The following ATP11B variants were observed in gnomAD, a reference collection of about 807,000 sequenced individuals.
ATP11B encodes the protein ATPase phospholipid transporting 11B (putative).
Under a neutral mutation model 157.8 loss-of-function variants are expected in ATP11B, and 81 were observed. That is an observed-to-expected ratio of 0.51 (90% CI 0.43 to 0.62). ATP11B has a LOEUF of 0.62. Among genes scored for constraint, ATP11B ranks in the 20% least tolerant of loss-of-function variants. The pLI is 0.00. For synonymous variants in ATP11B, 451 were observed against 469.4 expected (o/e 0.96, Z 0.51); for missense variants, 1,165 against 1,402.2 (o/e 0.83, Z 2.70).
intron 2 of ATP11B, among the ~76,000 whole-genome samples, chr3:182,820,632 G>A (rs1717276215): frequency 6.6e-6 from 1 of 152,038 alleles, no homozygotes; most frequent in African/African-American, 2.4e-5. Context: ...TTGTGCCACT[G>A]CACTCCAACC....
At chr3:182,822,239 G>A in intron 2 of ATP11B, among the ~76,000 whole-genome samples, 1 of 151,828 alleles carries the variant, frequency 6.6e-6, no homozygotes. Context: ...ATTTACATTA[G>A]GTATATCTCC....
At chr3:182,812,644 A>T (rs1716741949) in intron 1 of ATP11B, among the ~76,000 whole-genome samples, 3 of 152,230 alleles carry the variant, frequency 2.0e-5, no homozygotes, top group African/African-American at 7.2e-5. Context: ...TTATGGCCAA[A>T]TAGGACTTGC....
intron 2 of ATP11B, among the ~76,000 whole-genome samples, chr3:182,827,532 T>G (rs1717805896): frequency 6.6e-6 from 1 of 152,008 alleles, no homozygotes; most frequent in Non-Finnish European, 1.5e-5. Context: ...CATTGTGCTA[T>G]ACTATCTTAC....
chr3:182,824,110 C>T (rs1258324347), intron 2 of ATP11B, among the ~76,000 whole-genome samples: 2 of 151,920 alleles, frequency 1.3e-5, no homozygotes, highest in East Asian at 3.9e-4. Flanking sequence ...CTTCTTTTTT[C>T]GTAACATAAT....
chr3:182,846,315 A>C (rs1719525429), intron 9 of ATP11B, among the ~76,000 whole-genome samples: 1 of 152,006 alleles, frequency 6.6e-6, no homozygotes, highest in South Asian at 2.1e-4. Flanking sequence ...AAAAAAACAC[A>C]AAATAGCAAG....
At chr3:182,892,699 C>G (rs1044789327) in intron 25 of ATP11B, among the ~76,000 whole-genome samples, 2 of 152,098 alleles carry the variant, frequency 1.3e-5, no homozygotes, top group African/African-American at 2.4e-5. Flanking sequence ...GTATTTATCT[C>G]AAATCTTTTT....
intron 2 of ATP11B, among the ~76,000 whole-genome samples, chr3:182,825,190 T>G (rs2108502120): frequency 6.6e-6 from 1 of 152,350 alleles, no homozygotes; most frequent in African/African-American, 2.4e-5. Context: ...TTATTTGCCC[T>G]GGATTTTCAG....
chr3:182,803,313 G>A (rs180725587), intron 1 of ATP11B, among the ~76,000 whole-genome samples: 1 of 152,318 alleles, frequency 6.6e-6, no homozygotes, highest in African/African-American at 2.4e-5. Flanking sequence ...TTGCTGGTGA[G>A]ATGCAGGTAT....
rs1210363939 is a variant in ATP11B at position 182,919,684 on chromosome 3, T to C, written c.*1580T>C. On this transcript the variant is annotated 3_prime_UTR_variant, in exon 30 of 30. Transcript: ENST00000323116. ...TTTCATGAATATAAGGCTTCTAGAA[T>C]TGGACTGGCAGGGGAAAGAATGGTA... The C allele has an allele frequency of 1.3e-5, 2 of 152,178 alleles. No individual in the cohort carries two copies. Among genetic ancestry groups the C allele is most frequent in the Admixed American group, 6.5e-5 (1 of 15,276 alleles). 9.4% of individuals were successfully genotyped at this position (152,178 alleles called of 1,614,324 possible).
chr3:182,837,562 T>G (rs1718651466), intron 7 of ATP11B, among the ~76,000 whole-genome samples: 1 of 152,082 alleles, frequency 6.6e-6, no homozygotes, highest in African/African-American at 2.4e-5. Context: ...TAGAGGATAC[T>G]GCTTTTAAAT....
intron 1 of ATP11B, among the ~76,000 whole-genome samples, chr3:182,800,744 G>T (rs373836749): frequency 6.7e-6 from 1 of 149,438 alleles, no homozygotes; most frequent in Non-Finnish European, 1.5e-5. Flanking sequence ...TTTAATTTTC[G>T]TATTTTCTTA....
Position 182,898,694 on chromosome 3 carries a change from T to A in ATP11B, c.3240T>A (p.Val1080=). 6.2e-7 allele frequency: 1 copy of A among 1,605,802 alleles called. No individual in the cohort carries two copies. The change falls in exon 28 of 30, where the codon GTT becomes GTA. Residue 1080 remains valine, a synonymous_variant. Transcript: ENST00000323116. ...CTTGGTTTGCCATAATCCTCATGGT[T>A]GTTACATGTCTATTTCTTGATATCA... ...GSAWFAIILM[V]VTCLFLDIIK... is the part of the protein sequence containing the mutation.
intron 15 of ATP11B, among the ~76,000 whole-genome samples, chr3:182,868,661 C>T (rs891903998): frequency 1.3e-5 from 2 of 152,064 alleles, no homozygotes. Context: ...CAGAAAAAAG[C>T]GTTGAGAATC....
At chr3:182,880,064 A>G (rs1000475336) in intron 20 of ATP11B, among the ~76,000 whole-genome samples, 7 of 152,216 alleles carry the variant, frequency 4.6e-5, no homozygotes, top group African/African-American at 1.7e-4. Flanking sequence ...TGATAAATAG[A>G]GCTTTAGTAT....
chr3:182,902,441 T>C (rs1440111736), intron 28 of ATP11B: 1 of 1,207,196 alleles, frequency 8.3e-7, no homozygotes, highest in Non-Finnish European at 1.1e-6. Flanking sequence ...TACAGCTCAC[T>C]GACTTGTTGT....
chr3:182,885,775 T>A (rs1364725033), intron 22 of ATP11B, among the ~76,000 whole-genome samples, 176 bp from the exon 23 acceptor site: 1 of 152,154 alleles, frequency 6.6e-6, no homozygotes, highest in Non-Finnish European at 1.5e-5. Flanking sequence ...TTTTTAGACA[T>A]TTTTTGATAA....
intron 1 of ATP11B, among the ~76,000 whole-genome samples, chr3:182,815,968 T>A (rs180688248): frequency 6.6e-6 from 1 of 152,328 alleles, no homozygotes; most frequent in Admixed American, 6.5e-5. Context: ...GTTTGCTGAT[T>A]TGATTTCTCC....
intron 17 of ATP11B, among the ~76,000 whole-genome samples, chr3:182,870,200 A>G (rs1363440978): frequency 6.6e-6 from 1 of 152,226 alleles, no homozygotes; most frequent in Non-Finnish European, 1.5e-5. Flanking sequence ...ACTGATTTGT[A>G]CTGTTTGAAG....
chr3:182,904,517 C>T (rs1314101105), intron 28 of ATP11B, among the ~76,000 whole-genome samples: 5 of 152,136 alleles, frequency 3.3e-5, no homozygotes, highest in African/African-American at 9.7e-5. Flanking sequence ...ACTATTTACG[C>T]CTGTGACAGA....
Sources: allele counts gnomAD v4.1 joint callset (sites outside exome capture counted in the v4.1 genomes callset), GRCh38; gene constraint gnomAD v4.1.1; transcripts MANE v1.5; gene names NCBI Gene and HGNC (gene_info 2026-07-23, HGNC 2026-07-21).